The following SUGCT variants were observed in gnomAD, a reference collection of about 807,000 sequenced individuals.
SUGCT encodes the protein succinyl-CoA:glutarate CoA-transferase.
A neutral mutation model predicts 55.0 loss-of-function variants in SUGCT; 41 were observed. The ratio of observed to expected loss-of-function variants is 0.74; its 90% CI spans 0.58 to 0.97. The LOEUF (loss-of-function observed/expected upper bound fraction) is 0.97, where lower values mean the gene tolerates loss of function less well. Among genes scored for constraint, SUGCT ranks in the 50% least tolerant of loss-of-function variants. The pLI is 0.00. For synonymous variants in SUGCT, 187 were observed against 200.4 expected (o/e 0.93, Z 0.56); for missense variants, 568 against 547.8 (o/e 1.04, Z -0.37).
intron 13 of SUGCT, among the ~76,000 whole-genome samples, chr7:40,804,813 A>G (rs569928537): frequency 8.5e-5 from 13 of 152,228 alleles, no homozygotes; most frequent in Non-Finnish European, 1.6e-4. Context: ...TTGAGTGCAG[A>G]AAAAGAAAAA....
chr7:40,533,195 C>A (rs2151599296), intron 12 of SUGCT, among the ~76,000 whole-genome samples: 1 of 152,114 alleles, frequency 6.6e-6, no homozygotes, highest in South Asian at 2.1e-4. Flanking sequence ...TATGTGTTGA[C>A]CAATGAAACA....
At chr7:40,735,281 T>G (rs1238912973) in intron 12 of SUGCT, among the ~76,000 whole-genome samples, 1 of 152,228 alleles carries the variant, frequency 6.6e-6, no homozygotes, top group African/African-American at 2.4e-5. Flanking sequence ...TAAATCACCT[T>G]TGTATTTCAC....
intron 9 of SUGCT, among the ~76,000 whole-genome samples, chr7:40,431,616 G>A (rs1299223413): frequency 6.6e-6 from 1 of 152,058 alleles, no homozygotes; most frequent in Non-Finnish European, 1.5e-5. Context: ...TCTTTAAGCA[G>A]TATTTTATAA....
chr7:40,281,377 G>A (rs1050899629), intron 8 of SUGCT, among the ~76,000 whole-genome samples: 3 of 152,218 alleles, frequency 2.0e-5, no homozygotes, highest in Non-Finnish European at 4.4e-5. Flanking sequence ...GAAATTAAGA[G>A]AACTCCTCAA....
intron 13 of SUGCT, among the ~76,000 whole-genome samples, chr7:40,858,538 C>G (rs1369652923): frequency 6.6e-6 from 1 of 151,626 alleles, no homozygotes; most frequent in Non-Finnish European, 1.5e-5. Context: ...GCATATATTG[C>G]TTCAAGCAGT....
chr7:40,449,230 C>A, intron 9 of SUGCT, 57 bp from the exon 10 acceptor site: 1 of 1,185,012 alleles, frequency 8.4e-7, no homozygotes, highest in East Asian at 2.5e-5. Flanking sequence ...AGAAATTAAA[C>A]TTTTGTGGTC....
intron 12 of SUGCT, among the ~76,000 whole-genome samples, chr7:40,496,747 A>G (rs1193077492): frequency 6.6e-6 from 1 of 152,196 alleles, no homozygotes; most frequent in African/African-American, 2.4e-5. Context: ...ACCTCTGATC[A>G]TATGATTATC....
chr7:40,324,849 A>G (rs17171680), intron 9 of SUGCT, among the ~76,000 whole-genome samples: 86,266 of 152,074 alleles, frequency 0.57, 24,575 homozygotes, highest in South Asian at 0.65. Flanking sequence ...GAGCCTTTCA[A>G]TGGGAATTTT....
chr7:40,213,786 GT>G (rs1787475602), intron 6 of SUGCT, among the ~76,000 whole-genome samples: 2 of 152,118 alleles, frequency 1.3e-5, no homozygotes, highest in African/African-American at 4.8e-5. Context: ...CAATATTATT[GT>G]TTTTTGTTTT....
the SUGCT span, among the ~76,000 whole-genome samples, chr7:40,962,940 T>C: frequency 6.6e-6 from 1 of 152,150 alleles, no homozygotes; most frequent in South Asian, 2.1e-4. Context: ...GAGATGAGTT[T>C]ATTTCCAGCT....
At chr7:40,242,160 CTCTTTTTTTTTCTTT>C in intron 7 of SUGCT, among the ~76,000 whole-genome samples, 2 of 149,712 alleles carry the variant, frequency 1.3e-5, no homozygotes, top group Non-Finnish European at 3.0e-5. Context: ...TTTTGACAAA[CTCTTTTTTTTTCTTT>C]TCTTTTTTTT....
chr7:40,260,634 A>C (rs2150961068), intron 7 of SUGCT, among the ~76,000 whole-genome samples: 1 of 152,240 alleles, frequency 6.6e-6, no homozygotes, highest in East Asian at 1.9e-4. Flanking sequence ...GGTAGGGATT[A>C]AAAAGCTTTT....
the SUGCT span, among the ~76,000 whole-genome samples, chr7:41,017,833 T>C: frequency 6.6e-6 from 1 of 150,878 alleles, no homozygotes; most frequent in Admixed American, 6.6e-5. Context: ...AGAATCCCCA[T>C]CCTAACCAGA....
chr7:40,622,305 G>A (rs1015635714), intron 12 of SUGCT, among the ~76,000 whole-genome samples: 1 of 152,088 alleles, frequency 6.6e-6, no homozygotes, highest in African/African-American at 2.4e-5. Context: ...TGACTTAACG[G>A]TGATCTTTGA....
chr7:40,772,597 A>ATCTG, intron 13 of SUGCT, among the ~76,000 whole-genome samples: 1 of 150,128 alleles, frequency 6.7e-6, no homozygotes, highest in Non-Finnish European at 1.5e-5. Flanking sequence ...CTATCTATCT[A>ATCTG]TCTATCTATC....
chr7:40,170,064 A>T (rs1221405515), intron 1 of SUGCT, among the ~76,000 whole-genome samples: 1 of 152,088 alleles, frequency 6.6e-6, no homozygotes, highest in Non-Finnish European at 1.5e-5. Context: ...AATTTTCCTT[A>T]GTCCTTCTGG....
chr7:40,409,573 A>G (rs1053512094), intron 9 of SUGCT, among the ~76,000 whole-genome samples: 2 of 152,136 alleles, frequency 1.3e-5, no homozygotes, highest in Non-Finnish European at 2.9e-5. Context: ...GTTGTCTCTT[A>G]CTACCTCAGT....
intron 6 of SUGCT, among the ~76,000 whole-genome samples, chr7:40,221,099 T>C (rs1459199103): frequency 2.0e-5 from 3 of 152,288 alleles, no homozygotes; most frequent in East Asian, 1.9e-4. Context: ...TTTTCATTTA[T>C]ATTCATTTGG....
the SUGCT span, among the ~76,000 whole-genome samples, chr7:40,978,385 C>A: frequency 6.6e-6 from 1 of 152,186 alleles, no homozygotes; most frequent in Non-Finnish European, 1.5e-5. Flanking sequence ...TAACTCTTGC[C>A]AATGGGACTT....
Sources: gnomAD v4.1 joint callset for allele counts (sites outside exome capture counted in the v4.1 genomes callset) on GRCh38, gnomAD v4.1.1 for gene constraint, MANE v1.5 for transcripts, NCBI Gene and HGNC (gene_info 2026-07-23, HGNC 2026-07-21) for gene names.